Variants in ZEB1 observed in about 807,000 individuals in gnomAD.
ZEB1 encodes the protein zinc finger E-box binding homeobox 1.
In ZEB1, 21 loss-of-function variants were observed where a neutral mutation model predicts 84.9. That is an observed-to-expected ratio of 0.25 (90% CI 0.18 to 0.36). The LOEUF is 0.36. Ranked by LOEUF, ZEB1 falls within the 10% of genes least tolerant of loss-of-function variation. ZEB1 has a pLI of 1.00. For missense variants in ZEB1, 1,104 were observed against 1,330.2 expected (o/e 0.83, Z 2.65); for synonymous variants, 420 against 471.1 (o/e 0.89, Z 1.41).
intron 1 of ZEB1, among the ~76,000 whole-genome samples, chr10:31,414,675 T>C (rs2054901524): frequency 6.6e-6 from 1 of 152,212 alleles, no homozygotes; most frequent in South Asian, 2.1e-4. Flanking sequence ...TTTCTACCTA[T>C]GGTAACTCAT....
chr10:31,483,680 T>C (rs899644325), intron 2 of ZEB1, among the ~76,000 whole-genome samples: 5 of 151,992 alleles, frequency 3.3e-5, no homozygotes, highest in African/African-American at 4.8e-5. Flanking sequence ...GAAAAAAATA[T>C]TGACCTCTGC....
intron 1 of ZEB1, among the ~76,000 whole-genome samples, chr10:31,458,793 CA>C (rs1203071090): frequency 1.3e-5 from 2 of 151,734 alleles, no homozygotes; most frequent in East Asian, 3.9e-4. Flanking sequence ...TTAACACAGG[CA>C]AAAAAATTAT....
intron 1 of ZEB1, among the ~76,000 whole-genome samples, chr10:31,443,489 G>A (rs2059310412): frequency 1.3e-5 from 2 of 150,170 alleles, no homozygotes; most frequent in African/African-American, 4.9e-5. Flanking sequence ...GTATACATGT[G>A]CCATGCTGGT....
At chr10:31,450,456 C>T (rs2060426757) in intron 1 of ZEB1, among the ~76,000 whole-genome samples, 1 of 151,892 alleles carries the variant, frequency 6.6e-6, no homozygotes, top group East Asian at 1.9e-4. Context: ...TACCAAATGT[C>T]CTTACTGCTA....
intron 1 of ZEB1, among the ~76,000 whole-genome samples, chr10:31,364,620 C>T (rs183072110): frequency 3.9e-5 from 6 of 152,304 alleles, no homozygotes; most frequent in Admixed American, 1.3e-4. Flanking sequence ...AAAGAGAGGA[C>T]GCAGTGCCCT....
At chr10:31,325,667 CCATT>C (rs2035313695) in intron 1 of ZEB1, among the ~76,000 whole-genome samples, 1 of 151,908 alleles carries the variant, frequency 6.6e-6, no homozygotes, top group Non-Finnish European at 1.5e-5. Flanking sequence ...TTCCCCTCCC[CCATT>C]CAGATTTAAA....
intron 3 of ZEB1, among the ~76,000 whole-genome samples, chr10:31,502,131 T>C (rs1252146131): frequency 6.6e-6 from 1 of 152,188 alleles, no homozygotes; most frequent in Non-Finnish European, 1.5e-5. Flanking sequence ...ACTGTGAGAA[T>C]TTCACACATT....
At chr10:31,477,433 A>G (rs1197990290) in intron 2 of ZEB1, among the ~76,000 whole-genome samples, 4 of 152,070 alleles carry the variant, frequency 2.6e-5, no homozygotes, top group Non-Finnish European at 4.4e-5. Context: ...AATGACCACA[A>G]TGCCCAAAGG....
chr10:31,514,143 A>G (rs1353543314), intron 5 of ZEB1, among the ~76,000 whole-genome samples: 1 of 152,146 alleles, frequency 6.6e-6, no homozygotes, highest in Non-Finnish European at 1.5e-5. Flanking sequence ...AGTACAGGAA[A>G]AATCCTGTCT....
chr10:31,401,481 G>A (rs1470281285), intron 1 of ZEB1, among the ~76,000 whole-genome samples: 2 of 152,122 alleles, frequency 1.3e-5, no homozygotes, highest in Admixed American at 1.3e-4. Flanking sequence ...GTGAACTGAA[G>A]TGGCTGGTAA....
intron 1 of ZEB1, among the ~76,000 whole-genome samples, chr10:31,402,125 T>G (rs2052155470): frequency 6.6e-6 from 1 of 152,028 alleles, no homozygotes; most frequent in African/African-American, 2.4e-5. Context: ...GTTGTTGTTG[T>G]TGTTGTTGTT....
At chr10:31,472,197 G>A (rs1185891145) in intron 2 of ZEB1, among the ~76,000 whole-genome samples, 1 of 151,368 alleles carries the variant, frequency 6.6e-6, no homozygotes, top group Admixed American at 6.6e-5. Flanking sequence ...CAGAAGGCAA[G>A]AAATAACTAA....
chr10:31,479,167 C>T (rs931621121), intron 2 of ZEB1, among the ~76,000 whole-genome samples: 8 of 151,740 alleles, frequency 5.3e-5, no homozygotes, highest in Non-Finnish European at 1.0e-4. Context: ...TGAATAGAAA[C>T]GTACAACCTA....
At chr10:31,398,381 T>G (rs1269240999) in intron 1 of ZEB1, among the ~76,000 whole-genome samples, 2 of 152,164 alleles carry the variant, frequency 1.3e-5, no homozygotes, top group Non-Finnish European at 2.9e-5. Flanking sequence ...GGATAAATAT[T>G]GAAATTATTT....
At chr10:31,396,551 A>T (rs1216625504) in intron 1 of ZEB1, among the ~76,000 whole-genome samples, 1 of 152,194 alleles carries the variant, frequency 6.6e-6, no homozygotes, top group Non-Finnish European at 1.5e-5. Flanking sequence ...AGAAAAAAAT[A>T]CAGCATATAT....
intron 2 of ZEB1, among the ~76,000 whole-genome samples, chr10:31,472,407 C>T (rs2137997757): frequency 6.6e-6 from 1 of 152,212 alleles, no homozygotes; most frequent in East Asian, 1.9e-4. Context: ...ATACAAACTA[C>T]CATCAGAGAA....
chr10:31,335,479 T>C (rs1466811421), intron 1 of ZEB1, among the ~76,000 whole-genome samples: 1 of 152,224 alleles, frequency 6.6e-6, no homozygotes, highest in African/African-American at 2.4e-5. Flanking sequence ...ATTTCAAAGT[T>C]GGTTTTATAT....
At chr10:31,454,334 C>G (rs559621941) in intron 1 of ZEB1, among the ~76,000 whole-genome samples, 4 of 152,244 alleles carry the variant, frequency 2.6e-5, no homozygotes, top group East Asian at 3.9e-4. Context: ...TGCAAGCATT[C>G]CCTTTGAAAA....
At chr10:31,423,332 A>G (rs976119711) in intron 1 of ZEB1, among the ~76,000 whole-genome samples, 3 of 152,154 alleles carry the variant, frequency 2.0e-5, no homozygotes, top group Admixed American at 2.0e-4. Flanking sequence ...AGTATGTCTT[A>G]TGGAAAACAG....
Sources: allele counts gnomAD v4.1 joint callset (sites outside exome capture counted in the v4.1 genomes callset), GRCh38; gene constraint gnomAD v4.1.1; transcripts MANE v1.5; gene names NCBI Gene and HGNC (gene_info 2026-07-23, HGNC 2026-07-21).